The following TRIM33 variants were observed in gnomAD, a reference collection of about 807,000 sequenced individuals.
The protein encoded by TRIM33 is E3 ubiquitin-protein ligase TRIM33.
A neutral mutation model predicts 125.4 loss-of-function variants in TRIM33; 20 were observed. The ratio of observed to expected loss-of-function variants is 0.16; its 90% CI spans 0.11 to 0.23. TRIM33 has a LOEUF of 0.23. Among genes scored for constraint, TRIM33 ranks in the 10% least tolerant of loss-of-function variants. The pLI is 1.00. For synonymous variants in TRIM33, 564 were observed against 513.9 expected, an observed-to-expected ratio of 1.10 and a Z score of -1.32; for missense variants, 920 against 1,411.4, an observed-to-expected ratio of 0.65 and a Z score of 5.58.
At chr1:114,488,275 A>G (rs1258253396) in intron 1 of TRIM33, among the ~76,000 whole-genome samples, 1 of 152,232 alleles carries the variant, frequency 6.6e-6, no homozygotes, top group Non-Finnish European at 1.5e-5. Context: ...GAAACAAAGG[A>G]AACAAACAGA....
chr1:114,414,027 GCACACACACACACACACACACACACA>G (rs3077592), intron 11 of TRIM33, among the ~76,000 whole-genome samples: 6 of 130,588 alleles, frequency 4.6e-5, no homozygotes, highest in East Asian at 4.7e-4. Context: ...TAAATCACAG[GCACACACACACACACACACACACACA>G]CACACACACA....
At chr1:114,451,268 A>C (rs902205204) in intron 4 of TRIM33, among the ~76,000 whole-genome samples, 1 of 152,058 alleles carries the variant, frequency 6.6e-6, no homozygotes, top group African/African-American at 2.4e-5. Context: ...TTCCTGAGAA[A>C]TATATTGATT....
intron 4 of TRIM33, among the ~76,000 whole-genome samples, chr1:114,446,375 CT>C (rs762176694): frequency 3.8e-4 from 57 of 148,310 alleles, no homozygotes; most frequent in East Asian, 7.8e-4. Context: ...TAAAAGACAG[CT>C]TTTTTTTTTA....
At chr1:114,408,827 T>C (rs1285108036) in intron 12 of TRIM33, 87 bp from the exon 13 acceptor site, 2 of 899,980 alleles carry the variant, frequency 2.2e-6, no homozygotes, top group Middle Eastern at 3.6e-4. Context: ...AAGATTATTA[T>C]AACCCAGCTA....
chr1:114,496,568 T>G (rs1652377106), intron 1 of TRIM33, among the ~76,000 whole-genome samples: 1 of 152,230 alleles, frequency 6.6e-6, no homozygotes, highest in South Asian at 2.1e-4. Flanking sequence ...GTATCAAGGA[T>G]AGTATGTAGG....
intron 10 of TRIM33, among the ~76,000 whole-genome samples, chr1:114,422,688 T>C (rs754976455): frequency 7.9e-5 from 12 of 151,468 alleles, no homozygotes; most frequent in Admixed American, 6.6e-4. Flanking sequence ...AAAGGTACAA[T>C]TGGAAATAAC....
At chr1:114,456,203 G>GT (rs1228594619) in intron 4 of TRIM33, among the ~76,000 whole-genome samples, 3 of 152,158 alleles carry the variant, frequency 2.0e-5, no homozygotes, top group Non-Finnish European at 4.4e-5. Context: ...CAGAAAGCAC[G>GT]TAAGTTCACC....
chr1:114,402,689 A>G (rs964560212), intron 16 of TRIM33, 71 bp downstream of exon 16: 3 of 1,420,288 alleles, frequency 2.1e-6, no homozygotes, highest in South Asian at 1.4e-5. Context: ...GCTACACAGG[A>G]AAAAAAAAGG....
At position 114,510,411 on chromosome 1, in the gene TRIM33, G is replaced by A. The variant is rs890652136; in HGVS notation, c.526+140C>T. On this transcript the variant is annotated intron_variant, in intron 1 of 19. Coordinates refer to ENST00000358465, the MANE Select transcript of TRIM33 (RefSeq NM_015906.4). ...TCCAGCTTCTCTGGAAAGTGTCCCA[G>A]GGGCGAGTCTTTCACCTTAGAGACC... The A allele has an allele frequency of 9.7e-6, 7 of 723,530 alleles. No individual in the cohort carries two copies. In the African/African-American group the frequency reaches 1.3e-4, roughly 13 times the overall value. 44.8% of individuals were successfully genotyped at this position (723,530 alleles called of 1,614,324 possible).
chr1:114,464,335 C>A lies in TRIM33; in HGVS notation c.580G>T (p.Val194Leu), dbSNP rs1482706045. 1.9e-6 allele frequency: 3 copies of A among 1,612,152 alleles called. No homozygotes were observed. Among genetic ancestry groups the A allele is most frequent in the Non-Finnish European group, 2.5e-6 (3 of 1,179,276 alleles). ...CRQECRQIDLVDNYFVKDTSE... is the reference protein window; with the variant it reads ...CRQECRQIDLLDNYFVKDTSE... ...GTGTCTTTCACAAAATAATTATCCACAAGGTCTATCTGTCTGCATTCTTGG... is the reference window on the plus strand; with the variant it reads ...GTGTCTTTCACAAAATAATTATCCAAAAGGTCTATCTGTCTGCATTCTTGG... Residue 194 changes from valine (V) to leucine (L), a missense_variant, in exon 2 of 20, where the codon GTG becomes TTG. This residue lies in a region of TRIM33 where 75 missense variants were observed against 123.9 expected (regional missense o/e 0.61). Coordinates refer to ENST00000358465, the MANE Select transcript of TRIM33 (RefSeq NM_015906.4).
chr1:114,411,378 G>T (rs906157386), intron 11 of TRIM33, among the ~76,000 whole-genome samples: 32 of 152,272 alleles, frequency 2.1e-4, no homozygotes, highest in African/African-American at 7.2e-4. Flanking sequence ...GTAGGCAGTA[G>T]GTTAGTTGGA....
intron 4 of TRIM33, among the ~76,000 whole-genome samples, chr1:114,454,673 TAA>T (rs34493715): frequency 9.1e-5 from 12 of 132,008 alleles, no homozygotes; most frequent in African/African-American, 8.3e-5. Context: ...AAGACTCCTC[TAA>T]AAAAAAAAAA....
At chr1:114,500,348 G>A (rs1228425087) in intron 1 of TRIM33, among the ~76,000 whole-genome samples, 1 of 151,998 alleles carries the variant, frequency 6.6e-6, no homozygotes, top group Non-Finnish European at 1.5e-5. Context: ...TTAAAGAGAT[G>A]GCGGCGTCTC....
intron 13 of TRIM33, among the ~76,000 whole-genome samples, chr1:114,408,086 C>G (rs552332670): frequency 1.3e-5 from 2 of 152,228 alleles, no homozygotes; most frequent in South Asian, 4.1e-4. Context: ...TCCCTTCCCC[C>G]AAATCAAACC....
chr1:114,454,076 T>C (rs944305285), intron 4 of TRIM33, among the ~76,000 whole-genome samples: 4 of 152,322 alleles, frequency 2.6e-5, no homozygotes, highest in East Asian at 1.9e-4. Flanking sequence ...AGTGTAGTTT[T>C]AGGGAATCTT....
chr1:114,438,260 A>G (rs762190343), intron 4 of TRIM33, among the ~76,000 whole-genome samples: 5 of 152,366 alleles, frequency 3.3e-5, no homozygotes, highest in Admixed American at 2.0e-4. Context: ...AATGCATCAT[A>G]GTGCTTTATA....
At chr1:114,467,962 C>T (rs1444282044) in intron 1 of TRIM33, among the ~76,000 whole-genome samples, 1 of 152,138 alleles carries the variant, frequency 6.6e-6, no homozygotes, top group African/African-American at 2.4e-5. Flanking sequence ...CCTACAGCCT[C>T]TAATTACTTA....
chr1:114,398,800 CAAT>C (rs1340172953), intron 18 of TRIM33, among the ~76,000 whole-genome samples: 1 of 146,428 alleles, frequency 6.8e-6, no homozygotes, highest in Admixed American at 7.0e-5. Context: ...TCTTCCATAA[CAAT>C]AATAGAATCG....
chr1:114,505,003 G>T (rs956849671), intron 1 of TRIM33, among the ~76,000 whole-genome samples: 1 of 152,064 alleles, frequency 6.6e-6, no homozygotes, highest in Non-Finnish European at 1.5e-5. Context: ...AATTTATTGG[G>T]GGCTTCCCAT....
Sources: gnomAD v4.1 joint callset for allele counts (sites outside exome capture counted in the v4.1 genomes callset) on GRCh38, gnomAD v4.1.1 for gene constraint, gnomAD v4.1.1 regional missense constraint, MANE v1.5 for transcripts, NCBI Gene and HGNC (gene_info 2026-07-23, HGNC 2026-07-21) for gene names.